NFKB1: variants seen among roughly 807,000 people sequenced by gnomAD.
The protein encoded by NFKB1 is nuclear factor kappa B subunit 1, also known as nuclear factor NF-kappa-B p105 subunit.
A neutral mutation model predicts 105.1 loss-of-function variants in NFKB1; 9 were observed. That is an observed-to-expected ratio of 0.09 (90% CI 0.05 to 0.15). The LOEUF is 0.15. Among genes scored for constraint, NFKB1 ranks in the 10% least tolerant of loss-of-function variants. The pLI is 1.00. For synonymous variants in NFKB1, 440 were observed against 442.2 expected, an observed-to-expected ratio of 1.00 and a Z score of 0.06; for missense variants, 830 against 1,203.7, an observed-to-expected ratio of 0.69 and a Z score of 4.59.
intron 10 of NFKB1, among the ~76,000 whole-genome samples, chr4:102,583,895 G>A (rs1408554041): frequency 6.6e-6 from 1 of 151,836 alleles, no homozygotes; most frequent in African/African-American, 2.4e-5. Flanking sequence ...TTATTCAAAA[G>A]AATGAGTACT....
At chr4:102,506,961 A>G (rs2149094439) in intron 1 of NFKB1, among the ~76,000 whole-genome samples, 1 of 150,122 alleles carries the variant, frequency 6.7e-6, no homozygotes, top group African/African-American at 2.4e-5. Flanking sequence ...AAGGTTATAT[A>G]TATACATATT....
At chr4:102,557,318 A>G (rs1422623165) in intron 5 of NFKB1, 1 of 152,238 alleles carries the variant, frequency 6.6e-6, no homozygotes, top group Non-Finnish European at 1.5e-5. Context: ...GAGATTATAT[A>G]TTTGTATTCA....
intron 5 of NFKB1, among the ~76,000 whole-genome samples, chr4:102,556,133 T>G (rs1722972596): frequency 6.6e-6 from 1 of 152,212 alleles, no homozygotes; most frequent in Non-Finnish European, 1.5e-5. Flanking sequence ...AAAGACGATT[T>G]TGCTGCACTT....
intron 1 of NFKB1, chr4:102,511,037 C>T: frequency 1.1e-6 from 1 of 889,786 alleles, no homozygotes; most frequent in African/African-American, 1.8e-5. Context: ...GGAAGCATTG[C>T]TTGTTTATAG....
At chr4:102,541,104 G>A (rs1054393444) in intron 5 of NFKB1, among the ~76,000 whole-genome samples, 5 of 152,086 alleles carry the variant, frequency 3.3e-5, no homozygotes, top group African/African-American at 1.2e-4. Context: ...TGTCTGACAC[G>A]TTATAAAATA....
intron 5 of NFKB1, among the ~76,000 whole-genome samples, chr4:102,562,043 T>C (rs1723481908): frequency 6.6e-6 from 1 of 152,182 alleles, no homozygotes; most frequent in Non-Finnish European, 1.5e-5. Flanking sequence ...AATAGGGAAG[T>C]GGAGGAACAA....
intron 2 of NFKB1, among the ~76,000 whole-genome samples, chr4:102,526,179 A>C (rs1487049849): frequency 6.6e-6 from 1 of 152,102 alleles, no homozygotes; most frequent in East Asian, 1.9e-4. Flanking sequence ...CGAAGACCCT[A>C]TTTCCAAATA....
At chr4:102,512,271 A>G (rs965599094) in intron 1 of NFKB1, among the ~76,000 whole-genome samples, 4 of 152,232 alleles carry the variant, frequency 2.6e-5, no homozygotes, top group Non-Finnish European at 4.4e-5. Flanking sequence ...TATCAGACAT[A>G]GAAGAGAGAG....
chr4:102,606,777 T>C (rs2149221119), intron 17 of NFKB1, 80 bp downstream of exon 17: 5 of 1,445,432 alleles, frequency 3.5e-6, no homozygotes, highest in Middle Eastern at 1.7e-4. Flanking sequence ...ACGTGTGTTA[T>C]TTGATTTGCA....
intron 5 of NFKB1, among the ~76,000 whole-genome samples, chr4:102,550,020 C>G (rs1007214690): frequency 6.6e-6 from 1 of 152,026 alleles, no homozygotes; most frequent in Non-Finnish European, 1.5e-5. Flanking sequence ...TTTTCTATTT[C>G]TATCCTTCCT....
At chr4:102,592,605 CTATAG>C (rs917264308) in intron 11 of NFKB1, among the ~76,000 whole-genome samples, 15 of 152,122 alleles carry the variant, frequency 9.9e-5, no homozygotes, top group African/African-American at 3.6e-4. Context: ...ACTTAATAGC[CTATAG>C]TATAGTGTAA....
intron 8 of NFKB1, 29 bp downstream of exon 8, chr4:102,579,068 C>A: frequency 2.5e-6 from 4 of 1,601,326 alleles, no homozygotes; most frequent in Non-Finnish European, 3.4e-6. Context: ...ACAGGGGGCA[C>A]ACCAAGAATA....
intron 1 of NFKB1, among the ~76,000 whole-genome samples, chr4:102,506,839 CA>C (rs1174514611): frequency 2.6e-5 from 4 of 151,872 alleles, no homozygotes; most frequent in South Asian, 2.1e-4. Flanking sequence ...TCACAACAAA[CA>C]TTCAAGTTTA....
intron 1 of NFKB1, among the ~76,000 whole-genome samples, chr4:102,517,464 AAAAAAC>A (rs1357752741): frequency 3.9e-5 from 6 of 152,318 alleles, no homozygotes; most frequent in Admixed American, 3.9e-4. Context: ...AGTATTACTT[AAAAAAC>A]AAAAACAAAA....
intron 11 of NFKB1, among the ~76,000 whole-genome samples, chr4:102,588,794 T>G (rs1408432404): frequency 1.3e-5 from 2 of 152,216 alleles, no homozygotes; most frequent in Non-Finnish European, 2.9e-5. Context: ...AAAACATCAC[T>G]GCACTTTGAG....
At chr4:102,608,466 A>G (rs1033125587) in intron 19 of NFKB1, among the ~76,000 whole-genome samples, 2 of 152,314 alleles carry the variant, frequency 1.3e-5, no homozygotes, top group South Asian at 4.1e-4. Context: ...TCTCTGTACT[A>G]TGTTTCTCTC....
chr4:102,595,073 TATC>T, intron 13 of NFKB1, 92 bp downstream of exon 13: 1 of 742,408 alleles, frequency 1.3e-6, no homozygotes, highest in South Asian at 1.9e-5. Context: ...ACAACAGTAT[TATC>T]ATCTTGACAA....
At chr4:102,610,535 G>A in intron 19 of NFKB1, 40 bp from the exon 20 acceptor site, 1 of 1,604,724 alleles carries the variant, frequency 6.2e-7, no homozygotes, top group Non-Finnish European at 8.5e-7. Flanking sequence ...AAGTTGACAA[G>A]ATCTGGGTTT....
At chr4:102,502,390 G>GCGCGCGCGCA (rs1311577382) in intron 1 of NFKB1, among the ~76,000 whole-genome samples, 1 of 105,392 alleles carries the variant, frequency 9.5e-6, no homozygotes, top group African/African-American at 4.2e-5. Flanking sequence ...GCGCGCGCGC[G>GCGCGCGCGCA]CACACACACA....
Sources: allele counts gnomAD v4.1 joint callset (sites outside exome capture counted in the v4.1 genomes callset), GRCh38; gene constraint gnomAD v4.1.1; transcripts MANE v1.5; gene names NCBI Gene and HGNC (gene_info 2026-07-23, HGNC 2026-07-21).